NDFIP1: variants seen among roughly 807,000 people sequenced by gnomAD.
NDFIP1 encodes NEDD4 family-interacting protein 1.
In NDFIP1, 7 loss-of-function variants were observed where a neutral mutation model predicts 28.8. That is an observed-to-expected ratio of 0.24 (90% CI 0.14 to 0.46). The LOEUF is 0.46. NDFIP1 is among the 20% of genes least tolerant of loss of function. The pLI is 0.99. For missense variants in NDFIP1, 194 were observed against 269.1 expected (o/e 0.72, Z 1.95); for synonymous variants, 92 against 101.0 (o/e 0.91, Z 0.53).
At chr5:142,125,705 G>T (rs1757163373) in intron 1 of NDFIP1, among the ~76,000 whole-genome samples, 1 of 152,086 alleles carries the variant, frequency 6.6e-6, no homozygotes, top group Non-Finnish European at 1.5e-5. Context: ...TTCCACAGCA[G>T]CTGTACCATT....
chr5:142,133,244 G>C (rs1757243559), intron 3 of NDFIP1, among the ~76,000 whole-genome samples: 1 of 152,202 alleles, frequency 6.6e-6, no homozygotes, highest in South Asian at 2.1e-4. Flanking sequence ...GATCCTAAAT[G>C]GCGATGATGT....
intron 3 of NDFIP1, 57 bp from the exon 4 acceptor site, chr5:142,135,673 T>C (rs967051539): frequency 3.4e-6 from 5 of 1,487,542 alleles, no homozygotes; most frequent in Admixed American, 3.4e-5. Context: ...ATTTAACCCT[T>C]CATTTTTCTT....
chr5:142,135,956 T>G, intron 4 of NDFIP1, 139 bp downstream of exon 4: 1 of 558,946 alleles, frequency 1.8e-6, no homozygotes, highest in Non-Finnish European at 3.1e-6. Flanking sequence ...TACTGGAATA[T>G]TCAAAGCTTA....
intron 7 of NDFIP1, among the ~76,000 whole-genome samples, chr5:142,150,515 C>G (rs1331978638): frequency 6.6e-6 from 1 of 151,696 alleles, no homozygotes; most frequent in African/African-American, 2.4e-5. Flanking sequence ...TTTGTAGTCT[C>G]TCTCCATTTT....
At chr5:142,148,519 G>A (rs1361968606) in intron 7 of NDFIP1, among the ~76,000 whole-genome samples, 1 of 152,112 alleles carries the variant, frequency 6.6e-6, no homozygotes. Context: ...GGGAGGCCGA[G>A]GTGGGCAGGT....
Position 142,135,795 on chromosome 5 carries a change from G to A in NDFIP1, c.348G>A (p.Gly116=), listed in dbSNP as rs760319323. ...DADQLRIGND[G]IFMLTFFMAF... is the part of the protein sequence containing the mutation. ...ACCAGCTGAGGATAGGAAATGATGGGATTTTCATGTTAACTTTTTTCAGTA... is the reference window on the plus strand; with the variant it reads ...ACCAGCTGAGGATAGGAAATGATGGAATTTTCATGTTAACTTTTTTCAGTA... Residue 116 remains glycine (G), a synonymous_variant, in exon 4 of 8, where the codon GGG becomes GGA. Transcript: ENST00000253814. The A allele has an allele frequency of 6.2e-7, 1 of 1,613,634 alleles. No individual in the cohort carries two copies. The highest frequency in any genetic ancestry group is 8.5e-7 in the Non-Finnish European group (1 of 1,179,752).
At chr5:142,119,742 A>C (rs114450426) in intron 1 of NDFIP1, among the ~76,000 whole-genome samples, 2,268 of 152,280 alleles carry the variant, frequency 0.015, 50 homozygotes, top group African/African-American at 0.049. Context: ...ATTTAGAAAT[A>C]ATTTTAAACT....
At chr5:142,141,645 A>G (rs1347548406) in intron 6 of NDFIP1, among the ~76,000 whole-genome samples, 2 of 152,166 alleles carry the variant, frequency 1.3e-5, no homozygotes, top group African/African-American at 2.4e-5. Context: ...TGTCATTTCT[A>G]CAAAAGAATA....
At chr5:142,114,574 T>C (rs1757046946) in intron 1 of NDFIP1, among the ~76,000 whole-genome samples, 1 of 152,234 alleles carries the variant, frequency 6.6e-6, no homozygotes. Context: ...TTATTTCACT[T>C]ATACTCACCA....
chr5:142,110,765 G>T (rs1757006694), intron 1 of NDFIP1, among the ~76,000 whole-genome samples: 1 of 152,090 alleles, frequency 6.6e-6, no homozygotes, highest in African/African-American at 2.4e-5. Flanking sequence ...CATAGTTATA[G>T]ATCAGTATAT....
At chr5:142,139,294 G>A (rs1430416138) in intron 5 of NDFIP1, among the ~76,000 whole-genome samples, 2 of 151,764 alleles carry the variant, frequency 1.3e-5, no homozygotes, top group East Asian at 1.9e-4. Flanking sequence ...CAAAAACCTA[G>A]CTCAAAATGG....
chr5:142,145,564 G>A (rs1757380482), intron 7 of NDFIP1, among the ~76,000 whole-genome samples: 1 of 152,050 alleles, frequency 6.6e-6, no homozygotes, highest in African/African-American at 2.4e-5. Context: ...AAGGATAGGT[G>A]GTGTAGTTCA....
At chr5:142,120,120 T>A (rs969725522) in intron 1 of NDFIP1, among the ~76,000 whole-genome samples, 3 of 152,146 alleles carry the variant, frequency 2.0e-5, no homozygotes, top group Non-Finnish European at 2.9e-5. Context: ...AATGTCCAGC[T>A]AATTCTTGTA....
intron 7 of NDFIP1, among the ~76,000 whole-genome samples, chr5:142,150,819 G>A (rs997649508): frequency 2.6e-5 from 4 of 152,082 alleles, no homozygotes; most frequent in Non-Finnish European, 5.9e-5. Context: ...GTTATAGGCC[G>A]ATATTTGAGC....
At chr5:142,109,065 A>T in intron 1 of NDFIP1, 28 bp downstream of exon 1, 2 of 1,370,742 alleles carry the variant, frequency 1.5e-6, no homozygotes, top group Non-Finnish European at 1.9e-6. Flanking sequence ...CCAGCCCCGA[A>T]CTCCGGTCCC....
chr5:142,117,944 G>A (rs1174296950), intron 1 of NDFIP1, among the ~76,000 whole-genome samples: 2 of 151,930 alleles, frequency 1.3e-5, no homozygotes, highest in Non-Finnish European at 2.9e-5. Context: ...TTGCTACCCA[G>A]GCTGGCGTCA....
rs1235344490 is a variant in NDFIP1 at position 142,152,291 on chromosome 5, C to T, written c.*563C>T. On this transcript the variant is annotated 3_prime_UTR_variant, in exon 8 of 8. Coordinates refer to ENST00000253814, the MANE Select transcript of NDFIP1 (RefSeq NM_030571.4). The stretch of plus-strand genomic sequence containing the variant: ...TGCAAAAATACATTTAAGGTGTGGT[C>T]AAAAATAAGTCTTTAATTGGTAAAT... The T allele has an allele frequency of 6.6e-6, 1 of 152,480 alleles. No individual in the cohort carries two copies. The highest frequency in any genetic ancestry group is 2.4e-5 in the African/African-American group (1 of 41,368). 9.4% of individuals were successfully genotyped at this position (152,480 alleles called of 1,614,324 possible).
chr5:142,151,097 CAG>C (rs1158906478), intron 7 of NDFIP1, among the ~76,000 whole-genome samples: 2 of 152,298 alleles, frequency 1.3e-5, no homozygotes, highest in African/African-American at 4.8e-5. Context: ...TTATTTCAGT[CAG>C]ATATATTCCT....
intron 1 of NDFIP1, among the ~76,000 whole-genome samples, chr5:142,119,154 AAT>A (rs1235422626): frequency 6.6e-6 from 1 of 152,188 alleles, no homozygotes; most frequent in Non-Finnish European, 1.5e-5. Context: ...AGTTCATACT[AAT>A]ATCTCCACCT....
Sources: gnomAD v4.1 joint callset for allele counts (sites outside exome capture counted in the v4.1 genomes callset) on GRCh38, gnomAD v4.1.1 for gene constraint, MANE v1.5 for transcripts, NCBI Gene and HGNC (gene_info 2026-07-23, HGNC 2026-07-21) for gene names.